Variants in C1orf54 observed in about 807,000 individuals in gnomAD.
C1orf54 encodes the protein uncharacterized protein C1orf54.
Under a neutral mutation model 14.7 loss-of-function variants are expected in C1orf54, and 12 were observed. The observed-to-expected ratio is 0.82, with a 90% CI of 0.52 to 1.32. The LOEUF (loss-of-function observed/expected upper bound fraction) is 1.32, where lower values mean the gene tolerates loss of function less well. Ranked by LOEUF, C1orf54 falls within the 40% of genes most tolerant of loss-of-function variation. C1orf54 has a pLI of 0.00. For synonymous variants in C1orf54, 65 were observed against 56.3 expected (o/e 1.16, Z -0.70); for missense variants, 163 against 162.2 (o/e 1.00, Z -0.03).
chr1:150,273,427 G>A (rs1652372857), intron 1 of C1orf54, among the ~76,000 whole-genome samples: 1 of 152,188 alleles, frequency 6.6e-6, no homozygotes, highest in Non-Finnish European at 1.5e-5. Context: ...TTAGCTTGGA[G>A]TTGAAGGGAA....
intron 3 of C1orf54, among the ~76,000 whole-genome samples, chr1:150,276,312 A>ATTAC (rs1553852438): frequency 6.6e-6 from 1 of 152,182 alleles, no homozygotes; most frequent in Non-Finnish European, 1.5e-5. Flanking sequence ...GTCCTCAGTA[A>ATTAC]GTTTGCTAAG....
chr1:150,271,074 C>T (rs142990511), upstream of C1orf54, among the ~76,000 whole-genome samples: 1 of 151,568 alleles, frequency 6.6e-6, no homozygotes, highest in East Asian at 1.9e-4. Context: ...TGCTTCTGAG[C>T]CCAGCAGGCA....
intron 4 of C1orf54, among the ~76,000 whole-genome samples, chr1:150,278,923 A>C (rs782003793): frequency 1.5e-4 from 23 of 152,236 alleles, no homozygotes; most frequent in Non-Finnish European, 2.8e-4. Context: ...CAGATGAAAG[A>C]AGCCAGTAAG....
At chr1:150,280,767 G>T in intron 5 of C1orf54, 68 bp from the exon 6 acceptor site, 1 of 1,241,588 alleles carries the variant, frequency 8.1e-7, no homozygotes, top group Non-Finnish European at 1.1e-6. Context: ...CATAGAGTGT[G>T]GGGGGCATGA....
rs142745144 is a variant in C1orf54, at chr1:150,278,481, T to A, written c.301-1162T>A. Reference sequence around the variant, plus strand: ...CTGAACTAGATCAGGGCTAGAGTTCTAAGTGCAAAGTCACAGATATGAAAG... The same window carrying A: ...CTGAACTAGATCAGGGCTAGAGTTCAAAGTGCAAAGTCACAGATATGAAAG... On this transcript the variant is annotated intron_variant, in intron 4 of 5. Coordinates refer to ENST00000369099, the MANE Select transcript of C1orf54 (RefSeq NM_024579.4). 4.1e-4 allele frequency among the ~76,000 whole-genome samples: 63 copies of A among 152,256 alleles called. 1 individual carries two copies. In the East Asian group the frequency reaches 0.012, roughly 29 times the overall value.
chr1:150,277,595 T>C (rs1358166547), intron 4 of C1orf54, among the ~76,000 whole-genome samples: 3 of 149,362 alleles, frequency 2.0e-5, no homozygotes, highest in African/African-American at 7.4e-5. Context: ...AGGGTATGAT[T>C]GAAGGAGAGG....
chr1:150,269,752 A>G (rs998606708), upstream of C1orf54, among the ~76,000 whole-genome samples: 2 of 151,524 alleles, frequency 1.3e-5, no homozygotes, highest in Non-Finnish European at 2.9e-5. Flanking sequence ...GAGGGGTTGT[A>G]TATTAGAGTG....
rs782484764 is a variant in C1orf54 at position 150,274,178 on chromosome 1, C to T, written c.130+8C>T. On this transcript the variant is annotated splice_region_variant and intron_variant, in intron 2 of 5. Transcript: ENST00000369099. ...CAGTCACCCCCAGTTATGGTGAGTA[C>T]ATGAAAGGCTCTTGCCCTTAGCCAA... 1.3e-6 allele frequency: 2 copies of T among 1,593,748 alleles called. No homozygotes were observed. Among genetic ancestry groups the T allele is most frequent in the East Asian group, 2.2e-5 (1 of 44,772 alleles).
At chr1:150,272,775 T>C, upstream of C1orf54, 1 of 1,608,630 alleles carries the variant, frequency 6.2e-7, no homozygotes, top group Non-Finnish European at 8.5e-7. Context: ...GGAAACTCTG[T>C]AATTTCCTTT....
rs12044791 is a variant in C1orf54, at chr1:150,276,027, T to C, written c.189+228T>C. On this transcript the variant is annotated intron_variant, in intron 3 of 5. Coordinates refer to ENST00000369099, the MANE Select transcript of C1orf54 (RefSeq NM_024579.4). ...GGTAGCATATGCCTATAATCCCAGC[T>C]ACTCAGAAGGCTGAGGTAGGAGAAT... Among the ~76,000 whole-genome samples the C allele has an allele frequency of 0.018, 2,748 of 152,152 alleles. 146 individuals carry two copies. In the East Asian group the frequency reaches 0.21, roughly 12 times the overall value.
At chr1:150,270,778 C>CTT (rs1652146232), upstream of C1orf54, among the ~76,000 whole-genome samples, 1 of 151,704 alleles carries the variant, frequency 6.6e-6, no homozygotes, top group Non-Finnish European at 1.5e-5. Flanking sequence ...AGGCAGATCA[C>CTT]GAGGTCAGGA....
intron 5 of C1orf54, among the ~76,000 whole-genome samples, chr1:150,280,320 T>C (rs941006544): frequency 6.6e-6 from 1 of 152,270 alleles, no homozygotes; most frequent in Non-Finnish European, 1.5e-5. Flanking sequence ...GGCAGACTTT[T>C]GTGATGAGTC....
intron 4 of C1orf54, among the ~76,000 whole-genome samples, chr1:150,278,079 AAG>A (rs1262097627): frequency 7.0e-6 from 1 of 142,336 alleles, no homozygotes; most frequent in African/African-American, 2.7e-5. Context: ...CCTGGGAAAC[AAG>A]AGTGAAACTC....
At chr1:150,280,546 G>A (rs955320015) in intron 5 of C1orf54, among the ~76,000 whole-genome samples, 1 of 152,234 alleles carries the variant, frequency 6.6e-6, no homozygotes, top group African/African-American at 2.4e-5. Context: ...AGAACGGATG[G>A]CGGTTCTCTG....
chr1:150,280,350 G>A (rs1333196929), intron 5 of C1orf54, among the ~76,000 whole-genome samples: 4 of 152,238 alleles, frequency 2.6e-5, no homozygotes, highest in Admixed American at 2.6e-4. Flanking sequence ...TCTGAACTAA[G>A]AGGACTTCAG....
chr1:150,272,119 G>T (rs942513921), upstream of C1orf54, among the ~76,000 whole-genome samples: 24 of 151,922 alleles, frequency 1.6e-4, no homozygotes, highest in African/African-American at 5.5e-4. Context: ...CAACCTGGGT[G>T]ACAAAGCAAG....
intron 4 of C1orf54, among the ~76,000 whole-genome samples, chr1:150,278,913 C>T (rs1211712527): frequency 6.6e-6 from 1 of 152,180 alleles, no homozygotes; most frequent in Non-Finnish European, 1.5e-5. Context: ...TAGTTGAGCA[C>T]AGATGAAAGA....
intron 1 of C1orf54, 80 bp from the exon 2 acceptor site, chr1:150,274,007 G>A: frequency 3.4e-6 from 3 of 882,720 alleles, no homozygotes; most frequent in Non-Finnish European, 5.6e-6. Flanking sequence ...AAAGCTGGGA[G>A]CGCTGAGGTC....
At chr1:150,279,801 C>A in intron 5 of C1orf54, 60 bp downstream of exon 5, 1 of 1,377,730 alleles carries the variant, frequency 7.3e-7, no homozygotes, top group Non-Finnish European at 1.0e-6. Flanking sequence ...TAACTTCCCA[C>A]ACTAAACCGA....
Sources: gnomAD v4.1 joint callset for allele counts (sites outside exome capture counted in the v4.1 genomes callset) on GRCh38, gnomAD v4.1.1 for gene constraint, MANE v1.5 for transcripts, NCBI Gene and HGNC (gene_info 2026-07-23, HGNC 2026-07-21) for gene names.